KIF24: variants seen among roughly 807,000 people sequenced by gnomAD.
The protein encoded by KIF24 is kinesin family member 24.
KIF24 carries 81 observed loss-of-function variants against 118.9 expected under a neutral mutation model. The ratio of observed to expected loss-of-function variants is 0.68; its 90% CI spans 0.57 to 0.82. The LOEUF is 0.82. Among genes scored for constraint, KIF24 ranks in the 40% least tolerant of loss-of-function variants. The pLI, the probability that KIF24 is intolerant of heterozygous loss-of-function variation, is 0.00. For missense variants in KIF24, 1,560 were observed against 1,661.6 expected (o/e 0.94, Z 1.06); for synonymous variants, 599 against 610.0 (o/e 0.98, Z 0.27).
chr9:34,308,721 CAT>C (rs1837025553), intron 2 of KIF24, among the ~76,000 whole-genome samples: 1 of 152,088 alleles, frequency 6.6e-6, no homozygotes. Context: ...TAGGATGACT[CAT>C]ATGAACAAAA....
chr9:34,296,168 G>A (rs1372156389), intron 4 of KIF24, among the ~76,000 whole-genome samples: 5 of 145,922 alleles, frequency 3.4e-5, no homozygotes, highest in South Asian at 2.2e-4. Context: ...GCAGTGCACC[G>A]AGGTGGCGCC....
rs970815457 is a variant in KIF24, at chr9:34,310,643, C to T, written c.623+81G>A. On this transcript the variant is annotated intron_variant, in intron 2 of 12. Coordinates refer to ENST00000402558, the MANE Select transcript of KIF24 (RefSeq NM_194313.4). ...ATTTACTATAAATAAGGAGTAGATG[C>T]TGTCTGCTGGACATGAAGGAGAGGC... 7 of 929,378 alleles carry T rather than the reference C, an allele frequency of 7.5e-6. No individual in the cohort carries two copies. In the African/African-American group the frequency reaches 9.9e-5, roughly 13 times the overall value. The allele number at this position is 929,378 out of a possible 1,614,324, so 57.6% of individuals were successfully genotyped here. A position where few individuals can be genotyped will look rare whatever the true frequency, so the allele number is the denominator to read the frequency against.
rs1837414774 is a variant in KIF24, at chr9:34,318,739, C to A, written c.-25-7368G>T. The A allele has an allele frequency of 3.1e-5, 47 of 1,501,428 alleles. No homozygotes were observed. Among genetic ancestry groups the A allele is most frequent in the Non-Finnish European group, 4.2e-5 (46 of 1,098,826 alleles). 93.0% of individuals were successfully genotyped at this position (1,501,428 alleles called of 1,614,324 possible). A position where few individuals can be genotyped will look rare whatever the true frequency, so the allele number is the denominator to read the frequency against. On this transcript the variant is annotated intron_variant, in intron 1 of 12. Coordinates refer to ENST00000402558, the MANE Select transcript of KIF24 (RefSeq NM_194313.4). This position sits in a 1 kb window ranked among gnomAD's most constrained non-coding sequence, Gnocchi z 4.9. ...ACGAGGAGGTGCACGCCGGCGTGGG[C>A]GAGCCGCTGCGTTCACTCAGCAACT...
At chr9:34,306,625 A>AC (rs1397727864) in intron 2 of KIF24, among the ~76,000 whole-genome samples, 184 bp from the exon 3 acceptor site, 1 of 152,104 alleles carries the variant, frequency 6.6e-6, no homozygotes, top group Non-Finnish European at 1.5e-5. Context: ...ACACGGTGAA[A>AC]CCCCATCTCT....
At chr9:34,312,277 T>C (rs776708711) in intron 1 of KIF24, among the ~76,000 whole-genome samples, 1 of 152,240 alleles carries the variant, frequency 6.6e-6, no homozygotes, top group Non-Finnish European at 1.5e-5. Context: ...AGATTTTAAA[T>C]AGTTGTATCT....
intron 1 of KIF24, among the ~76,000 whole-genome samples, chr9:34,313,963 C>T (rs1047133219): frequency 9.3e-5 from 14 of 150,288 alleles, no homozygotes; most frequent in African/African-American, 2.2e-4. Context: ...CTGTGTTGCC[C>T]GGGCTAGTCT....
intron 3 of KIF24, among the ~76,000 whole-genome samples, chr9:34,303,709 C>T (rs569206928): frequency 1.6e-4 from 24 of 152,154 alleles, no homozygotes; most frequent in African/African-American, 2.6e-4. Context: ...ATTAGCCAGG[C>T]GTGGTGGCAT....
At chr9:34,303,481 G>A (rs1836802227) in intron 3 of KIF24, among the ~76,000 whole-genome samples, 1 of 152,126 alleles carries the variant, frequency 6.6e-6, no homozygotes, top group Non-Finnish European at 1.5e-5. Context: ...CTTGGATTAT[G>A]CTTGCCTGCC....
At chr9:34,283,018 C>G (rs143397528) in intron 6 of KIF24, among the ~76,000 whole-genome samples, 1 of 143,964 alleles carries the variant, frequency 6.9e-6, no homozygotes, top group Non-Finnish European at 1.5e-5. Flanking sequence ...AGCCATTGCA[C>G]TCCAGCGTGG....
At chr9:34,284,754 G>T (rs7028928) in intron 6 of KIF24, among the ~76,000 whole-genome samples, 33,497 of 152,024 alleles carry the variant, frequency 0.22, 4,232 homozygotes, top group East Asian at 0.56. Context: ...AAGTCACACA[G>T]GGGGTTTGTA....
At chr9:34,306,865 CAAAGT>C (rs773283950) in intron 2 of KIF24, among the ~76,000 whole-genome samples, 63 of 151,918 alleles carry the variant, frequency 4.1e-4, no homozygotes, top group Non-Finnish European at 8.4e-4. Context: ...CTTAAAGTTA[CAAAGT>C]AAAGTGTCAA....
At position 34,290,160 on chromosome 9, in the gene KIF24, C is replaced by CTCATAT. The variant is rs1836197840; in HGVS notation, c.1127+8_1127+13dup. On this transcript the variant is annotated intron_variant, in intron 5 of 12. Transcript: ENST00000402558. ...CGATGAACAGATTTATCGCTTCCCACTCATATTCAGTACCTTTTTCTTCTA... is the reference window on the plus strand; with the variant it reads ...CGATGAACAGATTTATCGCTTCCCACTCATATTCATATTCAGTACCTTTTTCTTCTA... The CTCATAT allele has an allele frequency of 1.3e-6, 2 of 1,574,508 alleles. No homozygotes were observed. Among genetic ancestry groups the CTCATAT allele is most frequent in the African/African-American group, 2.7e-5 (2 of 73,990 alleles).
chr9:34,256,089 T>G lies in KIF24; in HGVS notation c.3518A>C (p.Asp1173Ala), dbSNP rs1181838118. The G allele has an allele frequency of 5.6e-6, 9 of 1,613,740 alleles. No individual in the cohort carries two copies. Among genetic ancestry groups the G allele is most frequent in the Admixed American group, 1.7e-5 (1 of 60,002 alleles). Residue 1173 changes from aspartate to alanine, a missense_variant, in exon 11 of 13, where the codon GAT becomes GCT. Asp to Ala is a moderately radical substitution (Grantham distance 126). Transcript: ENST00000402558. The stretch of plus-strand genomic sequence containing the variant: ...CAGCCCCGTCTCCTCTGCATCAGCA[T>G]CATACTGCTCACTACCCATGTGTTC... The part of the protein sequence containing the change: ...SHEHMGSEQY[D>A]ADAEETGLDG...
At chr9:34,313,273 CAT>C (rs1348375229) in intron 1 of KIF24, among the ~76,000 whole-genome samples, 4 of 152,158 alleles carry the variant, frequency 2.6e-5, no homozygotes, top group South Asian at 2.1e-4. Context: ...ACTGCAACCA[CAT>C]GAGTGACCCC....
Position 34,306,440 on chromosome 9 carries a change from G to C in KIF24, c.625C>G (p.Gln209Glu), listed in dbSNP as rs377739404. 3 of 1,572,782 alleles carry C rather than the reference G, an allele frequency of 1.9e-6. No homozygotes were observed. The highest frequency in any genetic ancestry group is 2.6e-6 in the Non-Finnish European group (3 of 1,160,664). ...NYGIPHSCIR[Q>E]NTSEKQNPWT... ...GGATTCTGTTTCTCTGAAGTGTTCT[G>C]TCTAATATGTTTATAAACAGGCTTT... The change falls in exon 3 of 13, where the codon CAG becomes GAG. Residue 209 changes from glutamine to glutamate, a missense_variant and splice_region_variant. Coordinates refer to ENST00000402558, the MANE Select transcript of KIF24 (RefSeq NM_194313.4).
intron 5 of KIF24, among the ~76,000 whole-genome samples, chr9:34,289,605 A>C (rs1376971395): frequency 6.6e-6 from 1 of 152,220 alleles, no homozygotes; most frequent in Non-Finnish European, 1.5e-5. Flanking sequence ...ACAAAACTTC[A>C]TGCAAGAAAA....
intron 1 of KIF24, among the ~76,000 whole-genome samples, chr9:34,314,684 T>A (rs1837279372): frequency 6.6e-6 from 1 of 152,242 alleles, no homozygotes; most frequent in South Asian, 2.1e-4. Context: ...TAGGAACCTA[T>A]CCTTATCCTT....
chr9:34,262,050 C>T (rs1835076559), intron 9 of KIF24, among the ~76,000 whole-genome samples: 1 of 152,176 alleles, frequency 6.6e-6, no homozygotes, highest in South Asian at 2.1e-4. Context: ...CCTCCCGCCT[C>T]AGCCTCCCAA....
At chr9:34,263,241 TC>T in intron 8 of KIF24, 69 bp from the exon 9 acceptor site, 1 of 1,101,764 alleles carries the variant, frequency 9.1e-7, no homozygotes, top group Non-Finnish European at 1.4e-6. Flanking sequence ...TGATGCCGCC[TC>T]CACAGGAAGC....
Sources: allele counts gnomAD v4.1 joint callset (sites outside exome capture counted in the v4.1 genomes callset), GRCh38; gene constraint gnomAD v4.1.1; non-coding constraint Gnocchi (gnomAD v3.1); transcripts MANE v1.5; gene names NCBI Gene and HGNC (gene_info 2026-07-23, HGNC 2026-07-21).